TNRC6C: variants seen among roughly 807,000 people sequenced by gnomAD.
TNRC6C encodes the protein trinucleotide repeat-containing gene 6C protein.
In TNRC6C, 20 loss-of-function variants were observed where a neutral mutation model predicts 153.7. That is an observed-to-expected ratio of 0.13 (90% confidence interval 0.09 to 0.19). The LOEUF is 0.19. Ranked by LOEUF, TNRC6C falls within the 10% of genes least tolerant of loss-of-function variation. The pLI, the probability that TNRC6C is intolerant of heterozygous loss-of-function variation, is 1.00. For synonymous variants in TNRC6C, 811 were observed against 841.4 expected (o/e 0.96, Z 0.63); for missense variants, 1,987 against 2,172.0 (o/e 0.91, Z 1.69).
chr17:77,976,944 A>AAC (rs2071007957), intron 1 of TNRC6C, among the ~76,000 whole-genome samples: 2 of 150,366 alleles, frequency 1.3e-5, no homozygotes, highest in African/African-American at 4.9e-5. Flanking sequence ...AAAAAAAAAA[A>AAC]AAAAAAAAAA....
intron 15 of TNRC6C, chr17:78,093,379 C>T (rs1326644935): frequency 3.0e-6 from 2 of 663,484 alleles, no homozygotes; most frequent in Non-Finnish European, 5.1e-6. Context: ...ACACTGCACA[C>T]TATCCGGTAA....
chr17:78,033,978 G>A (rs951555992), intron 2 of TNRC6C, among the ~76,000 whole-genome samples: 3 of 152,118 alleles, frequency 2.0e-5, no homozygotes, highest in African/African-American at 4.8e-5. Context: ...CAAACTCTCC[G>A]TTTTTCTCTC....
intron 1 of TNRC6C, among the ~76,000 whole-genome samples, chr17:77,992,987 A>G (rs553004373): frequency 1.6e-3 from 247 of 151,772 alleles, no homozygotes; most frequent in African/African-American, 5.8e-3. Context: ...TTTTTTTGAG[A>G]TGGAGTCTCA....
chr17:78,010,056 AT>A (rs2071597895), intron 1 of TNRC6C, among the ~76,000 whole-genome samples: 1 of 150,398 alleles, frequency 6.6e-6, no homozygotes, highest in South Asian at 2.1e-4. Flanking sequence ...TAATTTTTGT[AT>A]TTTTTTATAC....
intron 5 of TNRC6C, among the ~76,000 whole-genome samples, chr17:78,068,779 G>A (rs971741739): frequency 3.3e-5 from 5 of 152,014 alleles, no homozygotes; most frequent in African/African-American, 1.2e-4. Context: ...CAGCCTGGGC[G>A]ACAGAGCGAG....
Position 78,075,353 on chromosome 17 carries a change from C to CA in TNRC6C, c.3060+77dup. On this transcript the variant is annotated intron_variant, in intron 8 of 19. Transcript: ENST00000301624. This position sits in a 1 kb window ranked among gnomAD's most constrained non-coding sequence, Gnocchi z 4.2. ...TTTCATTTCAACTGTGTCCTTAATA[C>CA]AAGCCAGATTAAAAACTTGCTGGAC... 1 of 1,489,354 alleles carries CA rather than the reference C, an allele frequency of 6.7e-7. No homozygotes were observed. Among genetic ancestry groups the CA allele is most frequent in the Non-Finnish European group, 9.0e-7 (1 of 1,108,496 alleles). The allele number at this position is 1,489,354 out of a possible 1,614,324, so 92.3% of individuals were successfully genotyped here.
chr17:78,098,572 C>A (rs2073531819), intron 17 of TNRC6C, 35 bp downstream of exon 20: 1 of 1,592,136 alleles, frequency 6.3e-7, no homozygotes, highest in African/African-American at 1.3e-5. Context: ...CGATGGGGGC[C>A]TTACCCTTTA....
chr17:78,049,673 G>C lies in TNRC6C; in HGVS notation c.611G>C (p.Gly204Ala). The change falls in exon 3 of 20, where the codon GGA (glycine) becomes GCA (alanine). Residue 204 changes from glycine to alanine, a missense_variant. Physicochemically the swap from Gly to Ala is moderately conservative, Grantham distance 60. Transcript: ENST00000301624. This position sits in a 1 kb window ranked among gnomAD's most constrained non-coding sequence, Gnocchi z 4.1. ...CCTATCAATGCAATGCAGACAAATGGACTGCCAAACTGGGGCATGGCTGTT... is the reference window on the plus strand; with the variant it reads ...CCTATCAATGCAATGCAGACAAATGCACTGCCAAACTGGGGCATGGCTGTT... 6.2e-7 allele frequency: 1 copy of C among 1,611,598 alleles called. No homozygotes were observed. The highest frequency in any genetic ancestry group is 1.1e-5 in the South Asian group (1 of 91,002).
At chr17:78,015,453 T>C (rs1010139806) in intron 1 of TNRC6C, among the ~76,000 whole-genome samples, 1 of 152,274 alleles carries the variant, frequency 6.6e-6, no homozygotes, top group Non-Finnish European at 1.5e-5. Flanking sequence ...TATACTGCTC[T>C]CATCCATTTC....
chr17:78,044,678 T>C (rs889683592), intron 2 of TNRC6C, among the ~76,000 whole-genome samples: 1 of 152,218 alleles, frequency 6.6e-6, no homozygotes, highest in Admixed American at 6.5e-5. Flanking sequence ...TTTTTGGAAA[T>C]AAAGTTTTGT....
At chr17:78,039,371 C>T (rs2072248616) in intron 2 of TNRC6C, among the ~76,000 whole-genome samples, 1 of 147,542 alleles carries the variant, frequency 6.8e-6, no homozygotes, top group Non-Finnish European at 1.5e-5. Flanking sequence ...TTGGTGTCAC[C>T]TTCTTGCCGT....
chr17:78,090,449 G>A (rs1311049253), intron 13 of TNRC6C, among the ~76,000 whole-genome samples: 4 of 152,186 alleles, frequency 2.6e-5, no homozygotes, highest in African/African-American at 2.4e-5. Flanking sequence ...CTTACGTACC[G>A]TGTGGCGTAG....
At chr17:77,965,486 G>A (rs559580519) in intron 1 of TNRC6C, among the ~76,000 whole-genome samples, 1 of 152,322 alleles carries the variant, frequency 6.6e-6, no homozygotes, top group African/African-American at 2.4e-5. Context: ...ATGTGTCTAG[G>A]TCCTTGGAAG....
chr17:78,100,945 T>G (rs2073582813), intron 17 of TNRC6C, among the ~76,000 whole-genome samples: 1 of 151,804 alleles, frequency 6.6e-6, no homozygotes, highest in African/African-American at 2.4e-5. Context: ...CCAGCTAATT[T>G]TTGTATTTTT....
intron 1 of TNRC6C, among the ~76,000 whole-genome samples, chr17:77,982,336 A>G (rs1223932576): frequency 1.4e-5 from 2 of 146,978 alleles, no homozygotes; most frequent in African/African-American, 5.3e-5. Flanking sequence ...GTAAGAACTG[A>G]AAAAAAAAAT....
chr17:78,106,519 A>AT (rs2073697265), exon 20 of TNRC6C: 1 of 140,810 alleles, frequency 7.1e-6, no homozygotes, highest in African/African-American at 2.8e-5. Context: ...TGAAGATGTT[A>AT]TTTAAAAAAA....
At chr17:78,024,222 T>G (rs1242101724) in intron 1 of TNRC6C, among the ~76,000 whole-genome samples, 1 of 152,184 alleles carries the variant, frequency 6.6e-6, no homozygotes, top group Non-Finnish European at 1.5e-5. Context: ...ACCAGACAAG[T>G]GTCTATGTAT....
chr17:78,105,101 G>T, exon 20 of TNRC6C: 1 of 388,230 alleles, frequency 2.6e-6, no homozygotes, highest in Non-Finnish European at 4.5e-6. Flanking sequence ...TGTATAGTGT[G>T]TTGTCATTTT....
At chr17:78,070,003 A>G (rs1360088499) in intron 5 of TNRC6C, among the ~76,000 whole-genome samples, 1 of 152,218 alleles carries the variant, frequency 6.6e-6, no homozygotes, top group Non-Finnish European at 1.5e-5. Flanking sequence ...AACTTTCTTT[A>G]TACCTTGTTT....
Sources: allele counts gnomAD v4.1 joint callset (sites outside exome capture counted in the v4.1 genomes callset), GRCh38; gene constraint gnomAD v4.1.1; non-coding constraint Gnocchi (gnomAD v3.1); transcripts MANE v1.5; gene names NCBI Gene and HGNC (gene_info 2026-07-23, HGNC 2026-07-21).